SGCZ: variants seen among roughly 807,000 people sequenced by gnomAD.
SGCZ encodes the protein zeta-sarcoglycan.
A neutral mutation model predicts 41.3 loss-of-function variants in SGCZ; 40 were observed. That is an observed-to-expected ratio of 0.97 (90% CI 0.75 to 1.26). The LOEUF is 1.26. Ranked by LOEUF, SGCZ falls within the 50% of genes most tolerant of loss-of-function variation. The pLI, the probability that SGCZ is intolerant of heterozygous loss-of-function variation, is 0.00. For synonymous variants in SGCZ, 206 were observed against 137.5 expected (o/e 1.50, Z -3.49); for missense variants, 552 against 369.8 (o/e 1.49, Z -4.04).
In SGCZ at chr8:15,074,067, G is replaced by T. The variant is rs1342324769; in HGVS notation, c.39+163518C>A. On this transcript the variant is annotated intron_variant, in intron 1 of 7. Transcript: ENST00000382080. Reference sequence around the variant, plus strand: ...AAAGTAACACGAGTAACGATGTTATGTGCAAGATTTATAGGAGCATTGTGG... The same window carrying T: ...AAAGTAACACGAGTAACGATGTTATTTGCAAGATTTATAGGAGCATTGTGG... 4.6e-5 allele frequency among the ~76,000 whole-genome samples: 7 copies of T among 152,134 alleles called. 1 individual carries two copies. The highest frequency in any genetic ancestry group is 4.6e-4 in the Admixed American group (7 of 15,268).
At chr8:15,203,866 A>G (rs1380848798) in intron 1 of SGCZ, among the ~76,000 whole-genome samples, 2 of 152,236 alleles carry the variant, frequency 1.3e-5, no homozygotes, top group Non-Finnish European at 2.9e-5. Context: ...CACAATTTAC[A>G]AACAATTCAA....
chr8:14,284,860 C>T (rs927009857), intron 3 of SGCZ, among the ~76,000 whole-genome samples: 1 of 152,068 alleles, frequency 6.6e-6, no homozygotes, highest in African/African-American at 2.4e-5. Context: ...ATGCTGAGAT[C>T]ATCTGTATGT....
intron 3 of SGCZ, among the ~76,000 whole-genome samples, chr8:14,277,011 T>C (rs762563709): frequency 1.4e-4 from 22 of 152,212 alleles, no homozygotes; most frequent in Admixed American, 5.2e-4. Context: ...CTGTGGAGTG[T>C]ACTTTCATTT....
chr8:14,442,258 G>A (rs574203504), intron 2 of SGCZ, among the ~76,000 whole-genome samples: 76 of 152,270 alleles, frequency 5.0e-4, no homozygotes, highest in Middle Eastern at 3.4e-3. Context: ...GGTCTTGCCC[G>A]TGATATTCTC....
intron 1 of SGCZ, among the ~76,000 whole-genome samples, chr8:14,833,681 G>C (rs1042491951): frequency 5.9e-5 from 9 of 152,164 alleles, no homozygotes; most frequent in African/African-American, 2.2e-4. Context: ...TTCCCTCAGG[G>C]AGCTGCTTTC....
intron 7 of SGCZ, among the ~76,000 whole-genome samples, chr8:14,093,107 G>A (rs1801738893): frequency 6.6e-6 from 1 of 152,018 alleles, no homozygotes; most frequent in South Asian, 2.1e-4. Flanking sequence ...GCTGTTTCTT[G>A]TTTCCACTGA....
chr8:14,716,477 C>T (rs550437134), intron 1 of SGCZ, among the ~76,000 whole-genome samples: 19 of 151,954 alleles, frequency 1.3e-4, no homozygotes, highest in Non-Finnish European at 2.2e-4. Flanking sequence ...TTTTGGGGGA[C>T]CTGCAAAACC....
At chr8:14,564,584 A>G (rs1335986481) in intron 1 of SGCZ, among the ~76,000 whole-genome samples, 1 of 152,190 alleles carries the variant, frequency 6.6e-6, no homozygotes, top group Non-Finnish European at 1.5e-5. Context: ...TTAACTAGTA[A>G]AAGTACTCAT....
chr8:14,955,962 T>G lies in SGCZ; in HGVS notation c.39+281623A>C, dbSNP rs553249763. Among the ~76,000 whole-genome samples, 292 of 152,168 alleles carry G rather than the reference T, an allele frequency of 1.9e-3. 2 individuals carry two copies. Among genetic ancestry groups the G allele is most frequent in the African/African-American group, 6.9e-3 (285 of 41,518 alleles). On this transcript the variant is annotated intron_variant, in intron 1 of 7. Coordinates refer to ENST00000382080, the MANE Select transcript of SGCZ (RefSeq NM_139167.4). Reference sequence around the variant, plus strand: ...TAGAGATTCTCTAAAACTTTATAATTTTACTTTTCACATTTGGGATTTTAA... The same window carrying G: ...TAGAGATTCTCTAAAACTTTATAATGTTACTTTTCACATTTGGGATTTTAA...
At chr8:14,673,182 A>C (rs1006936108) in intron 1 of SGCZ, among the ~76,000 whole-genome samples, 1 of 152,212 alleles carries the variant, frequency 6.6e-6, no homozygotes, top group Non-Finnish European at 1.5e-5. Flanking sequence ...TGTAACCACT[A>C]TACTGTCTTG....
At chr8:14,505,120 G>T (rs984048982) in intron 2 of SGCZ, among the ~76,000 whole-genome samples, 6 of 152,074 alleles carry the variant, frequency 3.9e-5, no homozygotes, top group Admixed American at 1.3e-4. Flanking sequence ...CCACACTCCA[G>T]CCTGGGTGTT....
At chr8:14,917,899 G>C (rs1233422997) in intron 1 of SGCZ, among the ~76,000 whole-genome samples, 2 of 152,098 alleles carry the variant, frequency 1.3e-5, no homozygotes, top group African/African-American at 2.4e-5. Context: ...TAACCTTTCA[G>C]ACTGTTTTCA....
chr8:14,642,307 T>C (rs958953985), intron 1 of SGCZ, among the ~76,000 whole-genome samples: 2 of 151,692 alleles, frequency 1.3e-5, no homozygotes, highest in African/African-American at 4.8e-5. Flanking sequence ...TTTCTATAGC[T>C]GTTATAAAAT....
At chr8:14,885,207 T>A (rs570751579) in intron 1 of SGCZ, among the ~76,000 whole-genome samples, 11 of 152,316 alleles carry the variant, frequency 7.2e-5, no homozygotes, top group African/African-American at 2.6e-4. Context: ...TGTTTTTAAA[T>A]TGGTCCAGTC....
intron 1 of SGCZ, among the ~76,000 whole-genome samples, chr8:15,218,174 T>G (rs1801479562): frequency 6.6e-6 from 1 of 152,168 alleles, no homozygotes; most frequent in South Asian, 2.1e-4. Context: ...GTGGGTAACT[T>G]TTTTAAGTTT....
chr8:15,232,259 T>C (rs1444935550), intron 1 of SGCZ, among the ~76,000 whole-genome samples: 1 of 152,200 alleles, frequency 6.6e-6, no homozygotes, highest in Non-Finnish European at 1.5e-5. Flanking sequence ...GGATTTATTA[T>C]CTTATAGCAG....
In SGCZ at chr8:14,268,357, G is replaced by GTATA. The variant is rs61085889; in HGVS notation, c.337-30682_337-30679dup. On this transcript the variant is annotated intron_variant, in intron 3 of 7. Transcript: ENST00000382080. The stretch of plus-strand genomic sequence containing the variant: ...CATTTATATTTAAAAATATATATGT[G>GTATA]TATATATATATATTCTCTGCAGTGT... 2.5e-4 allele frequency among the ~76,000 whole-genome samples: 38 copies of GTATA among 149,102 alleles called. 1 individual carries two copies. The highest frequency in any genetic ancestry group is 2.5e-3 in the South Asian group (12 of 4,726).
intron 1 of SGCZ, among the ~76,000 whole-genome samples, chr8:14,876,138 C>T (rs1373507008): frequency 1.3e-5 from 2 of 152,070 alleles, no homozygotes; most frequent in Admixed American, 1.3e-4. Context: ...GATCGGACTG[C>T]CTAGGGATCT....
At chr8:14,611,119 T>C (rs998358354) in intron 1 of SGCZ, among the ~76,000 whole-genome samples, 6 of 152,186 alleles carry the variant, frequency 3.9e-5, no homozygotes, top group Admixed American at 3.3e-4. Context: ...TTATCTAAAA[T>C]GTCTATTTTC....
Sources: gnomAD v4.1 joint callset for allele counts (sites outside exome capture counted in the v4.1 genomes callset) on GRCh38, gnomAD v4.1.1 for gene constraint, MANE v1.5 for transcripts, NCBI Gene and HGNC (gene_info 2026-07-23, HGNC 2026-07-21) for gene names.